Variants in DOK6 observed in about 807,000 individuals in gnomAD.
The protein encoded by DOK6 is docking protein 6.
Under a neutral mutation model 44.0 loss-of-function variants are expected in DOK6, and 22 were observed. That is an observed-to-expected ratio of 0.50 (90% CI 0.36 to 0.71). The LOEUF (loss-of-function observed/expected upper bound fraction) is 0.71, where lower values mean the gene tolerates loss of function less well. Ranked by LOEUF, DOK6 falls within the 30% of genes least tolerant of loss-of-function variation. DOK6 has a pLI of 0.00. For synonymous variants in DOK6, 166 were observed against 145.5 expected (o/e 1.14, Z -1.01); for missense variants, 340 against 416.4 (o/e 0.82, Z 1.60).
intron 1 of DOK6, among the ~76,000 whole-genome samples, chr18:69,451,253 G>T (rs355986): frequency 7.2e-6 from 1 of 138,610 alleles, no homozygotes; most frequent in East Asian, 2.1e-4. Flanking sequence ...AAAGGCAGGG[G>T]TTGCAATCCT....
At chr18:69,566,195 T>A (rs1386562248) in intron 2 of DOK6, among the ~76,000 whole-genome samples, 2 of 152,074 alleles carry the variant, frequency 1.3e-5, no homozygotes, top group Admixed American at 1.3e-4. Flanking sequence ...TGGAATGCAG[T>A]GGCGCGATCT....
At chr18:69,491,753 A>T (rs17081073) in intron 1 of DOK6, among the ~76,000 whole-genome samples, 5,656 of 152,306 alleles carry the variant, frequency 0.037, 160 homozygotes, top group Admixed American at 0.095. Flanking sequence ...GGCCTTGGAG[A>T]TTGTTTATTG....
In DOK6 at chr18:69,841,571, A is replaced by T. The variant is rs1014336978; in HGVS notation, c.*188A>T. ...GATTCAGTGGCTAAGTCCTTTATTT[A>T]TTGAATTTCTTTGGGGGAATCTATG... On this transcript the variant is annotated 3_prime_UTR_variant, in exon 8 of 8. Transcript: ENST00000382713. The T allele has an allele frequency of 6.0e-6, 4 of 669,902 alleles. No homozygotes were observed. The highest frequency in any genetic ancestry group is 1.8e-5 in the African/African-American group (1 of 56,120). 41.5% of individuals were successfully genotyped at this position (669,902 alleles called of 1,614,324 possible).
intron 1 of DOK6, among the ~76,000 whole-genome samples, chr18:69,418,944 G>A (rs916073060): frequency 2.0e-5 from 3 of 151,944 alleles, no homozygotes; most frequent in South Asian, 4.2e-4. Context: ...TTCATTTTAT[G>A]GTTCTCTCTT....
At chr18:69,585,705 T>C (rs941606350) in intron 2 of DOK6, among the ~76,000 whole-genome samples, 4 of 152,238 alleles carry the variant, frequency 2.6e-5, no homozygotes. Context: ...AGGGATACAC[T>C]GTACTGCTTT....
intron 1 of DOK6, among the ~76,000 whole-genome samples, chr18:69,485,742 A>T (rs564596152): frequency 2.0e-5 from 3 of 152,270 alleles, no homozygotes; most frequent in Non-Finnish European, 4.4e-5. Flanking sequence ...TTTAACACAG[A>T]CATATCCTGT....
intron 1 of DOK6, 67 bp downstream of exon 1, chr18:69,401,377 G>T (rs1035314836): frequency 6.5e-5 from 93 of 1,420,208 alleles, no homozygotes; most frequent in Non-Finnish European, 8.0e-5. Flanking sequence ...CCTGGGGGGG[G>T]GGCAGGGAGA....
chr18:69,737,727 C>T (rs2144736683), intron 5 of DOK6, among the ~76,000 whole-genome samples: 1 of 152,284 alleles, frequency 6.6e-6, no homozygotes, highest in East Asian at 1.9e-4. Flanking sequence ...AAAATCCCTC[C>T]TGTAAGCATG....
chr18:69,544,994 G>A lies in DOK6; in HGVS notation c.67-19493G>A, dbSNP rs1403740885. 2.7e-5 allele frequency among the ~76,000 whole-genome samples: 4 copies of A among 150,868 alleles called. No homozygotes were observed. In the South Asian group the frequency reaches 6.3e-4, roughly 24 times the overall value. On this transcript the variant is annotated intron_variant, in intron 1 of 7. Coordinates refer to ENST00000382713, the MANE Select transcript of DOK6 (RefSeq NM_152721.6). ...AAATTAGCTGGGTGTAGTGGTGCACGTCTGTAATCCCAGCTACTCAGGAGG... is the reference window on the plus strand; with the variant it reads ...AAATTAGCTGGGTGTAGTGGTGCACATCTGTAATCCCAGCTACTCAGGAGG...
intron 3 of DOK6, among the ~76,000 whole-genome samples, chr18:69,625,097 C>A (rs1984527963): frequency 1.3e-5 from 2 of 152,096 alleles, no homozygotes; most frequent in African/African-American, 4.8e-5. Context: ...TGTTTTCTGG[C>A]ATCTTCCGTG....
chr18:69,503,797 A>G (rs1981110999), intron 1 of DOK6, among the ~76,000 whole-genome samples: 1 of 152,050 alleles, frequency 6.6e-6, no homozygotes, highest in Non-Finnish European at 1.5e-5. Flanking sequence ...TTTATATTGA[A>G]TAATATTTTA....
At chr18:69,657,458 G>A (rs1415613420) in intron 3 of DOK6, among the ~76,000 whole-genome samples, 1 of 151,990 alleles carries the variant, frequency 6.6e-6, no homozygotes, top group East Asian at 1.9e-4. Flanking sequence ...CTGACCACAA[G>A]GTCAGGAGTA....
At chr18:69,474,763 G>C (rs1449317216) in intron 1 of DOK6, among the ~76,000 whole-genome samples, 1 of 152,172 alleles carries the variant, frequency 6.6e-6, no homozygotes, top group Non-Finnish European at 1.5e-5. Context: ...AGTGTATTCA[G>C]AGCTAGAATA....
At chr18:69,671,970 G>A (rs1054596288) in intron 3 of DOK6, among the ~76,000 whole-genome samples, 4 of 152,150 alleles carry the variant, frequency 2.6e-5, no homozygotes, top group Non-Finnish European at 4.4e-5. Context: ...GGGCGTCTAC[G>A]GCCATACCAC....
At chr18:69,413,377 A>G (rs1453694585) in intron 1 of DOK6, among the ~76,000 whole-genome samples, 1 of 152,088 alleles carries the variant, frequency 6.6e-6, no homozygotes, top group Non-Finnish European at 1.5e-5. Context: ...ACTCTGTTCA[A>G]ACATGGGGAT....
intron 5 of DOK6, among the ~76,000 whole-genome samples, chr18:69,727,022 GT>G (rs1055997031): frequency 6.6e-6 from 1 of 151,930 alleles, no homozygotes. Context: ...GCCTGGCTAA[GT>G]TTTTTTATTT....
chr18:69,644,711 T>G (rs982877568), intron 3 of DOK6, among the ~76,000 whole-genome samples: 1 of 152,216 alleles, frequency 6.6e-6, no homozygotes, highest in Non-Finnish European at 1.5e-5. Flanking sequence ...TATTACTCTT[T>G]GTCAAGAGTG....
At chr18:69,681,529 T>A (rs1986044485) in intron 4 of DOK6, among the ~76,000 whole-genome samples, 1 of 151,880 alleles carries the variant, frequency 6.6e-6, no homozygotes, top group African/African-American at 2.4e-5. Flanking sequence ...TGAACACAAG[T>A]TCACATGCAC....
intron 3 of DOK6, among the ~76,000 whole-genome samples, chr18:69,653,304 T>TG (rs2144664750): frequency 1.0e-5 from 1 of 95,844 alleles, no homozygotes; most frequent in South Asian, 3.3e-4. Flanking sequence ...AGACTGAGAC[T>TG]GGGACAAAAA....
Sources: allele counts gnomAD v4.1 joint callset (sites outside exome capture counted in the v4.1 genomes callset), GRCh38; gene constraint gnomAD v4.1.1; transcripts MANE v1.5; gene names NCBI Gene and HGNC (gene_info 2026-07-23, HGNC 2026-07-21).